The following CNTN5 variants were observed in gnomAD, a reference collection of about 807,000 sequenced individuals.
CNTN5 encodes contactin 5, also known as contactin-5.
A neutral mutation model predicts 129.1 loss-of-function variants in CNTN5; 77 were observed. That is an observed-to-expected ratio of 0.60 (90% confidence interval 0.50 to 0.72). The LOEUF is 0.72. Among genes scored for constraint, CNTN5 ranks in the 30% least tolerant of loss-of-function variants. CNTN5 has a pLI of 0.00. For synonymous variants in CNTN5, 509 were observed against 465.6 expected, an observed-to-expected ratio of 1.09 and a Z score of -1.20; for missense variants, 1,478 against 1,328.8, an observed-to-expected ratio of 1.11 and a Z score of -1.75.
intron 13 of CNTN5, among the ~76,000 whole-genome samples, chr11:100,120,956 C>T (rs561598034): frequency 2.6e-5 from 4 of 151,664 alleles, no homozygotes; most frequent in African/African-American, 9.7e-5. Context: ...TTTTCCAGTA[C>T]TGTAGGGGTG....
At chr11:100,042,239 T>G (rs1942421957) in intron 9 of CNTN5, among the ~76,000 whole-genome samples, 1 of 151,468 alleles carries the variant, frequency 6.6e-6, no homozygotes, top group Admixed American at 6.6e-5. Flanking sequence ...TTTTTTTTTT[T>G]GAGATACAGA....
intron 13 of CNTN5, among the ~76,000 whole-genome samples, chr11:100,173,260 T>A (rs779440288): frequency 2.0e-5 from 3 of 152,068 alleles, no homozygotes; most frequent in Non-Finnish European, 4.4e-5. Flanking sequence ...AGGGAAGACA[T>A]TTTTTGCACA....
At chr11:99,676,540 A>G (rs1218194300) in intron 3 of CNTN5, among the ~76,000 whole-genome samples, 1 of 152,232 alleles carries the variant, frequency 6.6e-6, no homozygotes, top group African/African-American at 2.4e-5. Flanking sequence ...GCCTGCTGCA[A>G]TAAAATTTCA....
chr11:99,907,666 GTCT>G (rs1285309763), intron 6 of CNTN5, among the ~76,000 whole-genome samples: 1 of 151,670 alleles, frequency 6.6e-6, no homozygotes, highest in African/African-American at 2.4e-5. Context: ...TGAATATAAA[GTCT>G]TCTAATGTAT....
At chr11:99,964,246 A>G (rs898352795) in intron 8 of CNTN5, among the ~76,000 whole-genome samples, 10 of 146,674 alleles carry the variant, frequency 6.8e-5, no homozygotes, top group Admixed American at 1.3e-4. Context: ...GCCCGTTTTC[A>G]AAGGGAATGC....
At chr11:100,103,526 G>C (rs1471457191) in intron 13 of CNTN5, among the ~76,000 whole-genome samples, 1 of 152,106 alleles carries the variant, frequency 6.6e-6, no homozygotes, top group Non-Finnish European at 1.5e-5. Context: ...TTACTGTGAT[G>C]AGGTGAAGTT....
chr11:99,164,631 T>A (rs1270329313), intron 1 of CNTN5, among the ~76,000 whole-genome samples: 3 of 152,178 alleles, frequency 2.0e-5, no homozygotes, highest in African/African-American at 7.2e-5. Context: ...AATTCTAGTA[T>A]AAATATTAAC....
chr11:100,105,637 C>T (rs141053235), intron 13 of CNTN5, among the ~76,000 whole-genome samples: 2 of 152,284 alleles, frequency 1.3e-5, no homozygotes, highest in African/African-American at 4.8e-5. Flanking sequence ...TGTTCTAAGT[C>T]TGCCTTTGAT....
At chr11:99,836,044 A>C (rs553069769) in intron 4 of CNTN5, among the ~76,000 whole-genome samples, 9 of 152,242 alleles carry the variant, frequency 5.9e-5, no homozygotes, top group Admixed American at 5.9e-4. Flanking sequence ...AGACAGTCCA[A>C]AGGGCTGCTG....
chr11:99,662,111 TTAA>T (rs1403983970), intron 3 of CNTN5, among the ~76,000 whole-genome samples: 1 of 152,156 alleles, frequency 6.6e-6, no homozygotes, highest in Non-Finnish European at 1.5e-5. Context: ...TAAACATTTT[TTAA>T]TAATTTTCTA....
In CNTN5 at chr11:99,197,667, C is replaced by T. The variant is rs111406326; in HGVS notation, c.-209-127679C>T. On this transcript the variant is annotated intron_variant, in intron 1 of 24. Transcript: ENST00000524871. The stretch of plus-strand genomic sequence containing the variant: ...CAAGAATGTCACCCTGACTTCCTTG[C>T]CTTTTCTTATACATGCTTGTGTTTC... 7.2e-5 allele frequency among the ~76,000 whole-genome samples: 11 copies of T among 152,164 alleles called. 1 individual carries two copies. Among genetic ancestry groups the T allele is most frequent in the African/African-American group, 2.2e-4 (9 of 41,552 alleles).
chr11:99,336,091 A>G (rs1373811624), intron 2 of CNTN5, among the ~76,000 whole-genome samples: 1 of 152,098 alleles, frequency 6.6e-6, no homozygotes, highest in Non-Finnish European at 1.5e-5. Context: ...AATTTATCGG[A>G]GGGGTATGTT....
At chr11:99,140,972 C>T (rs1194239343) in intron 1 of CNTN5, among the ~76,000 whole-genome samples, 2 of 151,438 alleles carry the variant, frequency 1.3e-5, no homozygotes, top group South Asian at 4.2e-4. Context: ...TCTGTTGTGT[C>T]TCTGACAGTG....
At chr11:99,884,298 T>C (rs1359457517) in intron 6 of CNTN5, among the ~76,000 whole-genome samples, 1 of 152,168 alleles carries the variant, frequency 6.6e-6, no homozygotes, top group East Asian at 1.9e-4. Context: ...TAAAATAATA[T>C]AATTTGTAGA....
At chr11:100,248,846 T>C (rs932202181) in intron 16 of CNTN5, among the ~76,000 whole-genome samples, 1 of 152,150 alleles carries the variant, frequency 6.6e-6, no homozygotes, top group African/African-American at 2.4e-5. Flanking sequence ...AGTTGCTGTC[T>C]ACAAGGAGAA....
chr11:100,201,758 T>C (rs1948783970), intron 15 of CNTN5, among the ~76,000 whole-genome samples: 1 of 151,964 alleles, frequency 6.6e-6, no homozygotes, highest in African/African-American at 2.4e-5. Context: ...CTGTGGTGTG[T>C]TGCCCAGGTT....
intron 2 of CNTN5, among the ~76,000 whole-genome samples, chr11:99,486,645 C>T (rs952407843): frequency 2.6e-5 from 4 of 152,062 alleles, no homozygotes; most frequent in Admixed American, 2.0e-4. Flanking sequence ...AAAATAAAAC[C>T]TAAAAATGTA....
intron 2 of CNTN5, among the ~76,000 whole-genome samples, chr11:99,439,560 T>C (rs1286679084): frequency 6.6e-6 from 1 of 151,350 alleles, no homozygotes; most frequent in African/African-American, 2.4e-5. Flanking sequence ...ATACAAAAAT[T>C]AGCCTGGCGT....
intron 2 of CNTN5, among the ~76,000 whole-genome samples, chr11:99,338,070 A>G (rs1866315705): frequency 6.6e-6 from 1 of 152,144 alleles, no homozygotes; most frequent in Non-Finnish European, 1.5e-5. Flanking sequence ...TAATTTTTCT[A>G]TATATGTCTT....
Sources: allele counts gnomAD v4.1 joint callset (sites outside exome capture counted in the v4.1 genomes callset), GRCh38; gene constraint gnomAD v4.1.1; transcripts MANE v1.5; gene names NCBI Gene and HGNC (gene_info 2026-07-23, HGNC 2026-07-21).